TNRC6C: variants seen among roughly 807,000 people sequenced by gnomAD.
TNRC6C encodes trinucleotide repeat-containing gene 6C protein.
Under a neutral mutation model 153.7 loss-of-function variants are expected in TNRC6C, and 20 were observed. The observed-to-expected ratio is 0.13, with a 90% CI of 0.09 to 0.19. TNRC6C has a LOEUF of 0.19. TNRC6C is among the 10% of genes least tolerant of loss of function. TNRC6C has a pLI of 1.00. For missense variants in TNRC6C, 1,987 were observed against 2,172.0 expected, an observed-to-expected ratio of 0.91 and a Z score of 1.69; for synonymous variants, 811 against 841.4, an observed-to-expected ratio of 0.96 and a Z score of 0.63.
intron 1 of TNRC6C, among the ~76,000 whole-genome samples, chr17:78,006,975 G>A (rs1209499402): frequency 2.1e-5 from 3 of 141,420 alleles, no homozygotes; most frequent in Non-Finnish European, 4.6e-5. Flanking sequence ...CCCATAAGCT[G>A]GGGTTACAGG....
intron 17 of TNRC6C, among the ~76,000 whole-genome samples, chr17:78,099,886 T>G (rs1174873329): frequency 6.6e-6 from 1 of 152,118 alleles, no homozygotes; most frequent in Non-Finnish European, 1.5e-5. Context: ...AGTTACTTCC[T>G]AGATACAATG....
At chr17:78,100,601 C>A (rs1021510276) in intron 17 of TNRC6C, among the ~76,000 whole-genome samples, 1 of 152,120 alleles carries the variant, frequency 6.6e-6, no homozygotes, top group Non-Finnish European at 1.5e-5. Flanking sequence ...GCCATTTTTT[C>A]CTTGTAGGCC....
intron 3 of TNRC6C, among the ~76,000 whole-genome samples, chr17:78,058,663 G>T (rs1200955940): frequency 1.3e-5 from 2 of 152,192 alleles, no homozygotes; most frequent in Non-Finnish European, 1.5e-5. Context: ...CAGAAAACTG[G>T]CAGGCAGTAT....
chr17:77,991,328 A>G (rs192453672), intron 1 of TNRC6C, among the ~76,000 whole-genome samples: 86 of 152,270 alleles, frequency 5.6e-4, no homozygotes, highest in African/African-American at 2.0e-3. Context: ...TTTTTTATCT[A>G]TGTGTGGAGG....
At chr17:78,084,409 A>G (rs1327616375) in intron 11 of TNRC6C, among the ~76,000 whole-genome samples, 1 of 151,450 alleles carries the variant, frequency 6.6e-6, no homozygotes, top group African/African-American at 2.4e-5. Flanking sequence ...CTCAGCCCTC[A>G]GTCTTTCCCC....
chr17:78,006,127 G>A (rs1051415410), intron 1 of TNRC6C, among the ~76,000 whole-genome samples: 4 of 152,142 alleles, frequency 2.6e-5, no homozygotes, highest in African/African-American at 7.2e-5. Context: ...AAAGGAATTC[G>A]TTTACAGATA....
upstream of TNRC6C, among the ~76,000 whole-genome samples, chr17:77,958,429 G>A (rs1377307099): frequency 6.6e-6 from 1 of 151,844 alleles, no homozygotes; most frequent in Admixed American, 6.5e-5. Context: ...ACCCCGGCGC[G>A]CTCCCCGCGC....
chr17:77,985,037 C>A (rs975434820), intron 1 of TNRC6C, among the ~76,000 whole-genome samples: 2 of 152,210 alleles, frequency 1.3e-5, no homozygotes, highest in Non-Finnish European at 2.9e-5. Context: ...CTAAGACTTA[C>A]TAACAACATT....
At chr17:78,056,993 T>C (rs746501332) in intron 3 of TNRC6C, among the ~76,000 whole-genome samples, 5 of 152,192 alleles carry the variant, frequency 3.3e-5, no homozygotes, top group Non-Finnish European at 7.3e-5. Context: ...CCCCTGCAAC[T>C]TTTGCAGCCT....
chr17:78,100,803 T>G (rs917816317), intron 17 of TNRC6C, among the ~76,000 whole-genome samples: 1 of 142,044 alleles, frequency 7.0e-6, no homozygotes, highest in African/African-American at 2.7e-5. Flanking sequence ...GAGATGGAGT[T>G]TCACTCTTGT....
At chr17:78,052,920 A>AT (rs1222723113) in intron 3 of TNRC6C, among the ~76,000 whole-genome samples, 3 of 151,910 alleles carry the variant, frequency 2.0e-5, no homozygotes, top group Non-Finnish European at 2.9e-5. Context: ...TTTGGCCCAC[A>AT]TTTTTTCTGT....
intron 1 of TNRC6C, among the ~76,000 whole-genome samples, chr17:78,028,041 G>A (rs568459252): frequency 5.9e-5 from 9 of 151,930 alleles, no homozygotes; most frequent in Non-Finnish European, 7.4e-5. Context: ...GACTGCAGGC[G>A]CCCGCCACCA....
Position 78,075,308 on chromosome 17 carries a change from C to T in TNRC6C, c.3060+30C>T. The T allele has an allele frequency of 6.5e-7, 1 of 1,549,356 alleles. No homozygotes were observed. Among genetic ancestry groups the T allele is most frequent in the Non-Finnish European group, 8.7e-7 (1 of 1,143,564 alleles). The stretch of plus-strand genomic sequence containing the variant: ...GAATATAGGTGGTTTGTTGTTTTTG[C>T]TTTTTTAACAAGAGGAGTTTTTCAT... On this transcript the variant is annotated intron_variant, in intron 8 of 19. Transcript: ENST00000301624. This position sits in a 1 kb window ranked among gnomAD's most constrained non-coding sequence, Gnocchi z 4.2.
At chr17:78,103,314 A>T in intron 18 of TNRC6C, 100 bp from the exon 22 acceptor site, 1 of 1,366,712 alleles carries the variant, frequency 7.3e-7, no homozygotes, top group Non-Finnish European at 1.0e-6. Flanking sequence ...AAACATTCCT[A>T]GTGTTTAGTG....
At chr17:77,991,377 C>G (rs879357358) in intron 1 of TNRC6C, among the ~76,000 whole-genome samples, 1 of 152,152 alleles carries the variant, frequency 6.6e-6, no homozygotes. Context: ...GGTCAACTAA[C>G]CCCCTGAATG....
At chr17:78,089,248 G>A (rs1036380190) in intron 13 of TNRC6C, among the ~76,000 whole-genome samples, 1 of 152,046 alleles carries the variant, frequency 6.6e-6, no homozygotes, top group Non-Finnish European at 1.5e-5. Context: ...GATTACAGGC[G>A]TGAGCCACCG....
intron 1 of TNRC6C, among the ~76,000 whole-genome samples, chr17:77,967,168 GTTAT>G (rs2070903921): frequency 6.6e-6 from 1 of 152,094 alleles, no homozygotes; most frequent in Admixed American, 6.5e-5. Context: ...ATTGAGCATT[GTTAT>G]TTATTCTTTT....
intron 2 of TNRC6C, among the ~76,000 whole-genome samples, chr17:78,046,014 C>G (rs28565524): frequency 0.027 from 4,176 of 152,038 alleles, 195 homozygotes; most frequent in African/African-American, 0.095. Context: ...AGTGTTGTGT[C>G]ACTTTCATCT....
upstream of TNRC6C, among the ~76,000 whole-genome samples, chr17:78,000,614 C>G (rs1163612156): frequency 3.9e-5 from 2 of 51,850 alleles, no homozygotes; most frequent in Non-Finnish European, 9.9e-5. Flanking sequence ...CTCTTTCTCC[C>G]TCCGCCCCCC....
Sources: allele counts gnomAD v4.1 joint callset (sites outside exome capture counted in the v4.1 genomes callset), GRCh38; gene constraint gnomAD v4.1.1; non-coding constraint Gnocchi (gnomAD v3.1); transcripts MANE v1.5; gene names NCBI Gene and HGNC (gene_info 2026-07-23, HGNC 2026-07-21).